HAS2: variants seen among roughly 807,000 people sequenced by gnomAD.
HAS2 encodes the protein HA synthase 2.
Under a neutral mutation model 51.6 loss-of-function variants are expected in HAS2, and 16 were observed. The ratio of observed to expected loss-of-function variants is 0.31; its 90% CI spans 0.21 to 0.47. The LOEUF is 0.47. HAS2 is among the 20% of genes least tolerant of loss of function. The pLI is 1.00. For missense variants in HAS2, 361 were observed against 662.6 expected, an observed-to-expected ratio of 0.54 and a Z score of 5.00; for synonymous variants, 228 against 235.5, an observed-to-expected ratio of 0.97 and a Z score of 0.29.
At position 121,614,325 on chromosome 8, in the gene HAS2, T is replaced by C. The variant is rs1022121837; in HGVS notation, c.1443A>G (p.Val481=). The change falls in exon 4 of 4, where the codon GTA becomes GTG. Residue 481 remains valine, a synonymous_variant. Coordinates refer to ENST00000303924, the MANE Select transcript of HAS2 (RefSeq NM_005328.3). The surrounding 1 kb of genome is among the most constrained non-coding windows in gnomAD (Gnocchi z 7.2). ...CCAGGAGGATTGTAAACCAAACTGA[T>C]ACTGGAATGAGTCCTATGAAATTAA... is the stretch of plus-strand genomic sequence containing the variant. The part of the protein sequence containing the change: ...IVVNFIGLIP[V]SVWFTILLGG... The C allele has an allele frequency of 1.2e-6, 2 of 1,614,140 alleles. No homozygotes were observed. Among genetic ancestry groups the C allele is most frequent in the South Asian group, 1.1e-5 (1 of 91,074 alleles).
rs201878977 is a variant in HAS2, at chr8:121,621,836, CT to C, written c.628-4631del. On this transcript the variant is annotated intron_variant, in intron 2 of 3. Coordinates refer to ENST00000303924, the MANE Select transcript of HAS2 (RefSeq NM_005328.3). The stretch of plus-strand genomic sequence containing the variant: ...AATCTCCATGTTTTACTTTTAATGT[CT>C]TTTTTTTTCAGACTGATGGATCTCC... 3.3e-5 allele frequency among the ~76,000 whole-genome samples: 5 copies of C among 151,500 alleles called. No homozygotes were observed. In the South Asian group the frequency reaches 1.1e-3, roughly 32 times the overall value.
chr8:121,612,726 T>C lies in HAS2; in HGVS notation c.*1383A>G, dbSNP rs530996933. 2.0e-5 allele frequency: 3 copies of C among 152,266 alleles called. No homozygotes were observed. In the South Asian group the frequency reaches 6.2e-4, roughly 32 times the overall value. The allele number at this position is 152,266 out of a possible 1,614,324, so 9.4% of individuals were successfully genotyped here. Reference sequence around the variant, plus strand: ...AATCATTGATATACTTATTAAACCTTGATGTCACTTCTACTGTGTAGACAT... The same window carrying C: ...AATCATTGATATACTTATTAAACCTCGATGTCACTTCTACTGTGTAGACAT... On this transcript the variant is annotated 3_prime_UTR_variant, in exon 4 of 4. Transcript: ENST00000303924.
At chr8:121,628,074 C>T (rs905134746) in intron 2 of HAS2, among the ~76,000 whole-genome samples, 3 of 152,178 alleles carry the variant, frequency 2.0e-5, no homozygotes, top group African/African-American at 7.2e-5. Flanking sequence ...AACACCATCA[C>T]AAATGCTTTC....
At position 121,641,326 on chromosome 8, in the gene HAS2, A is replaced by C. The variant is rs942614865; in HGVS notation, c.-474T>G. The stretch of plus-strand genomic sequence containing the variant: ...AAAGTCTTTGGCTGGGGCTGTTTCA[A>C]GTCTCTGGTTCAATGGGCTGCTCGA... On this transcript the variant is annotated 5_prime_UTR_variant, in exon 1 of 4. Coordinates refer to ENST00000303924, the MANE Select transcript of HAS2 (RefSeq NM_005328.3). 6.7e-4 allele frequency: 101 copies of C among 150,104 alleles called. No homozygotes were observed. The highest frequency in any genetic ancestry group is 2.5e-3 in the African/African-American group (100 of 40,788). 9.3% of individuals were successfully genotyped at this position (150,104 alleles called of 1,614,324 possible). A position where few individuals can be genotyped will look rare whatever the true frequency, so the allele number is the denominator to read the frequency against.
rs71573616 is a variant in HAS2, at chr8:121,641,158, C to CTTTTTTTTTTT, written c.-317_-307dup. The CTTTTTTTTTTT allele has an allele frequency of 1.6e-3, 91 of 57,004 alleles. 1 individual carries two copies. Among genetic ancestry groups the CTTTTTTTTTTT allele is most frequent in the Non-Finnish European group, 2.1e-3 (66 of 30,846 alleles). 3.5% of individuals were successfully genotyped at this position (57,004 alleles called of 1,614,324 possible). A position where few individuals can be genotyped will look rare whatever the true frequency, so the allele number is the denominator to read the frequency against. On this transcript the variant is annotated 5_prime_UTR_variant, in exon 1 of 4. Transcript: ENST00000303924. ...TAACTTTTCTTTTTTCTTTTCTTTT[C>CTTTTTTTTTTT]TTTTTTTTTTTTTTTTTTTTTTGGG...
chr8:121,624,651 G>A (rs1371265821), intron 2 of HAS2, among the ~76,000 whole-genome samples: 1 of 152,182 alleles, frequency 6.6e-6, no homozygotes, highest in Non-Finnish European at 1.5e-5. Context: ...CTTAGAAGAT[G>A]TTCATATTTG....
chr8:121,618,102 G>C (rs1211577303), intron 2 of HAS2, among the ~76,000 whole-genome samples: 4 of 151,748 alleles, frequency 2.6e-5, no homozygotes, highest in African/African-American at 9.7e-5. Flanking sequence ...TATTTCTATT[G>C]GAGTCTCAAG....
intron 2 of HAS2, among the ~76,000 whole-genome samples, chr8:121,628,041 CCTGT>C (rs1424500174): frequency 6.6e-6 from 1 of 152,098 alleles, no homozygotes; most frequent in Admixed American, 6.6e-5. Context: ...GGAGACACAG[CCTGT>C]CTAATTTTCA....
intron 3 of HAS2, 139 bp from the exon 4 acceptor site, chr8:121,615,177 G>T: frequency 3.3e-6 from 2 of 603,494 alleles, no homozygotes; most frequent in South Asian, 2.3e-5. Context: ...TTTTTGGCGT[G>T]GTTATTTTAT....
intron 1 of HAS2, among the ~76,000 whole-genome samples, chr8:121,629,848 C>T (rs1218579626): frequency 6.6e-6 from 1 of 152,130 alleles, no homozygotes; most frequent in Non-Finnish European, 1.5e-5. Flanking sequence ...AACTTACATC[C>T]TTTCCCTGCA....
intron 1 of HAS2, among the ~76,000 whole-genome samples, chr8:121,635,619 T>A (rs1448237817): frequency 1.3e-5 from 2 of 152,230 alleles, no homozygotes; most frequent in Admixed American, 1.3e-4. Context: ...GACAATTCAA[T>A]TAATATCTTT....
In HAS2 at chr8:121,613,249, G is replaced by A. The variant is rs555688145; in HGVS notation, c.*860C>T. 2 of 151,516 alleles carry A rather than the reference G, an allele frequency of 1.3e-5. No individual in the cohort carries two copies. The highest frequency in any genetic ancestry group is 3.9e-4 in the East Asian group (2 of 5,182). The allele number at this position is 151,516 out of a possible 1,614,324, so 9.4% of individuals were successfully genotyped here. ...ACTACCTTTGGCCTTGATTTTCAAC[G>A]ATTTTTTTTTTAGGTACACACGAAA... On this transcript the variant is annotated 3_prime_UTR_variant, in exon 4 of 4. Coordinates refer to ENST00000303924, the MANE Select transcript of HAS2 (RefSeq NM_005328.3).
intron 1 of HAS2, among the ~76,000 whole-genome samples, chr8:121,633,556 C>T (rs191910412): frequency 9.2e-5 from 14 of 152,266 alleles, no homozygotes; most frequent in South Asian, 2.1e-4. Flanking sequence ...TATGTGGAAA[C>T]GACCTAAAGA....
At chr8:121,627,133 G>A (rs889525084) in intron 2 of HAS2, among the ~76,000 whole-genome samples, 7 of 152,140 alleles carry the variant, frequency 4.6e-5, no homozygotes, top group African/African-American at 1.4e-4. Context: ...GATTAGAAAT[G>A]ACAAATGTAG....
At chr8:121,619,819 G>A (rs565641792) in intron 2 of HAS2, among the ~76,000 whole-genome samples, 7 of 152,228 alleles carry the variant, frequency 4.6e-5, no homozygotes, top group African/African-American at 1.7e-4. Flanking sequence ...ACCCACCTCT[G>A]TTGACTCAAG....
In HAS2 at chr8:121,640,888, C is replaced by T. The variant is rs1813085294; in HGVS notation, c.-36G>A. Reference sequence around the variant, plus strand: ...TCTTGGTCATAAAGTCGTCCTCAGCCTGTCTGTGTGGTCCCGGAGGGTCGG... The same window carrying T: ...TCTTGGTCATAAAGTCGTCCTCAGCTTGTCTGTGTGGTCCCGGAGGGTCGG... On this transcript the variant is annotated 5_prime_UTR_variant, in exon 1 of 4. Transcript: ENST00000303924. The T allele has an allele frequency of 1.3e-5, 2 of 152,024 alleles. No individual in the cohort carries two copies. Among genetic ancestry groups the T allele is most frequent in the African/African-American group, 4.8e-5 (2 of 41,388 alleles). The allele number at this position is 152,024 out of a possible 1,614,324, so 9.4% of individuals were successfully genotyped here.
At chr8:121,615,615 G>A (rs550762499) in intron 3 of HAS2, among the ~76,000 whole-genome samples, 9 of 151,376 alleles carry the variant, frequency 5.9e-5, no homozygotes, top group Non-Finnish European at 1.3e-4. Context: ...GACCCACTGC[G>A]CCTGGCCAAA....
intron 2 of HAS2, among the ~76,000 whole-genome samples, chr8:121,627,323 A>T (rs1314077257): frequency 1.3e-5 from 2 of 152,178 alleles, no homozygotes; most frequent in Non-Finnish European, 2.9e-5. Flanking sequence ...ATGTCCAAAG[A>T]TAACTGAAAC....
chr8:121,621,359 TA>T (rs1812771310), intron 2 of HAS2, among the ~76,000 whole-genome samples: 1 of 152,188 alleles, frequency 6.6e-6, no homozygotes, highest in Admixed American at 6.5e-5. Flanking sequence ...CAAGAAGCCT[TA>T]AAGTCTGAAG....
Sources: gnomAD v4.1 joint callset for allele counts (sites outside exome capture counted in the v4.1 genomes callset) on GRCh38, gnomAD v4.1.1 for gene constraint, Gnocchi (gnomAD v3.1) non-coding constraint, MANE v1.5 for transcripts, NCBI Gene and HGNC (gene_info 2026-07-23, HGNC 2026-07-21) for gene names.